Variants in ADGRL2 observed in about 807,000 individuals in gnomAD.
ADGRL2 encodes the protein adhesion G protein-coupled receptor L2.
ADGRL2 carries 44 observed loss-of-function variants against 157.4 expected under a neutral mutation model. That is an observed-to-expected ratio of 0.28 (90% confidence interval 0.22 to 0.36). The LOEUF (loss-of-function observed/expected upper bound fraction) is 0.36, where lower values mean the gene tolerates loss of function less well. Among genes scored for constraint, ADGRL2 ranks in the 10% least tolerant of loss-of-function variants. ADGRL2 has a pLI of 1.00. For missense variants in ADGRL2, 1,510 were observed against 1,768.9 expected, an observed-to-expected ratio of 0.85 and a Z score of 2.63; for synonymous variants, 585 against 624.7, an observed-to-expected ratio of 0.94 and a Z score of 0.95.
At chr1:81,462,422 TG>T (rs1450180817) in intron 2 of ADGRL2, among the ~76,000 whole-genome samples, 1 of 152,040 alleles carries the variant, frequency 6.6e-6, no homozygotes, top group Non-Finnish European at 1.5e-5. Context: ...CGTGAGGGTC[TG>T]TGGCTTCATT....
intron 1 of ADGRL2, among the ~76,000 whole-genome samples, chr1:81,307,764 GA>G (rs202069372): frequency 0.019 from 2,848 of 151,518 alleles, 95 homozygotes; most frequent in African/African-American, 0.065. Flanking sequence ...AAGTTCGAAG[GA>G]AAAAAAATTT....
chr1:81,625,777 C>T (rs1465936190), intron 3 of ADGRL2: 1 of 152,196 alleles, frequency 6.6e-6, no homozygotes, highest in African/African-American at 2.4e-5. Flanking sequence ...AAACCGCCAA[C>T]ATCAAATAGT....
At chr1:81,386,780 T>C (rs2076443746) in intron 1 of ADGRL2, among the ~76,000 whole-genome samples, 1 of 152,206 alleles carries the variant, frequency 6.6e-6, no homozygotes, top group Non-Finnish European at 1.5e-5. Context: ...TGCACCCTAT[T>C]AAATCTTACA....
intron 3 of ADGRL2, among the ~76,000 whole-genome samples, chr1:81,595,679 T>G (rs2081216525): frequency 6.6e-6 from 1 of 152,246 alleles, no homozygotes; most frequent in African/African-American, 2.4e-5. Flanking sequence ...TAAAACTTAC[T>G]TAGTTTGGCA....
chr1:81,363,898 C>T (rs2076020421), intron 1 of ADGRL2, among the ~76,000 whole-genome samples: 1 of 152,088 alleles, frequency 6.6e-6, no homozygotes, highest in South Asian at 2.1e-4. Flanking sequence ...TCTGTAGGCC[C>T]TTCTGTAAAT....
chr1:81,597,379 GA>G (rs2081256030), intron 3 of ADGRL2, among the ~76,000 whole-genome samples: 1 of 151,964 alleles, frequency 6.6e-6, no homozygotes, highest in Non-Finnish European at 1.5e-5. Flanking sequence ...AAGTGCATAT[GA>G]AAAAATAAAG....
chr1:81,891,257 A>T (rs894618861), intron 2 of ADGRL2, among the ~76,000 whole-genome samples: 1 of 151,866 alleles, frequency 6.6e-6, no homozygotes, highest in East Asian at 1.9e-4. Context: ...GATGTTTTGC[A>T]TCATATTCCA....
intron 1 of ADGRL2, among the ~76,000 whole-genome samples, chr1:81,367,512 T>C (rs924913415): frequency 6.6e-6 from 1 of 152,190 alleles, no homozygotes; most frequent in African/African-American, 2.4e-5. Context: ...AGGATAACCA[T>C]TCCCAGCTCC....
chr1:81,668,168 A>AT (rs2082790398), intron 3 of ADGRL2, among the ~76,000 whole-genome samples: 2 of 152,154 alleles, frequency 1.3e-5, no homozygotes, highest in Non-Finnish European at 2.9e-5. Flanking sequence ...CATGCCTGTA[A>AT]TCCCAGCACT....
chr1:81,953,087 A>G, intron 10 of ADGRL2, 62 bp downstream of exon 10: 1 of 1,316,506 alleles, frequency 7.6e-7, no homozygotes, highest in Admixed American at 1.7e-5. Flanking sequence ...ACGCTTTATC[A>G]TCTTGCTGCA....
chr1:81,819,427 T>A (rs1039593916), intron 1 of ADGRL2, among the ~76,000 whole-genome samples: 5 of 152,160 alleles, frequency 3.3e-5, no homozygotes, highest in African/African-American at 1.2e-4. Flanking sequence ...AAGTACCAGC[T>A]GCTGAGAAGG....
intron 2 of ADGRL2, among the ~76,000 whole-genome samples, chr1:81,542,638 C>T (rs183016988): frequency 6.6e-6 from 1 of 152,242 alleles, no homozygotes; most frequent in East Asian, 1.9e-4. Flanking sequence ...TATAACATTT[C>T]CACTGTGGGA....
rs537109630 is a variant in ADGRL2 at position 81,690,338 on chromosome 1, CA to C, written c.-142-71468del. Among the ~76,000 whole-genome samples the C allele has an allele frequency of 3.7e-3, 566 of 152,182 alleles. 1 individual carries two copies. The highest frequency in any genetic ancestry group is 5.1e-3 in the Non-Finnish European group (344 of 67,986). Reference sequence around the variant, plus strand: ...CGAAACCCCATCTCTACTAAAAATACAAAAATTAGCCAGGCATGGTGGTGCA... The same window carrying C: ...CGAAACCCCATCTCTACTAAAAATACAAAATTAGCCAGGCATGGTGGTGCA... On this transcript the variant is annotated intron_variant, in intron 3 of 24. Coordinates refer to the ADGRL2 transcript ENST00000370721.
intron 1 of ADGRL2, among the ~76,000 whole-genome samples, chr1:81,408,243 T>A (rs1186322587): frequency 6.6e-6 from 1 of 152,248 alleles, no homozygotes; most frequent in Non-Finnish European, 1.5e-5. Context: ...ATATTTGTTG[T>A]AATTTTTCAT....
chr1:81,824,283 T>A (rs1276927641), intron 1 of ADGRL2, among the ~76,000 whole-genome samples: 1 of 152,170 alleles, frequency 6.6e-6, no homozygotes, highest in Non-Finnish European at 1.5e-5. Context: ...TATTTATTCA[T>A]TTATTTATAG....
chr1:81,599,069 C>T (rs1370516823), intron 3 of ADGRL2, among the ~76,000 whole-genome samples: 2 of 152,114 alleles, frequency 1.3e-5, no homozygotes, highest in Non-Finnish European at 2.9e-5. Flanking sequence ...TTAGCAAAGG[C>T]CACTGAAGCC....
intron 3 of ADGRL2, among the ~76,000 whole-genome samples, chr1:81,926,989 G>T (rs1327523206): frequency 2.0e-5 from 3 of 151,916 alleles, no homozygotes; most frequent in African/African-American, 7.2e-5. Context: ...ATTTCAAAAT[G>T]CTTATTTTAG....
At chr1:81,500,901 C>T (rs1166870055) in intron 2 of ADGRL2, among the ~76,000 whole-genome samples, 1 of 152,120 alleles carries the variant, frequency 6.6e-6, no homozygotes, top group Non-Finnish European at 1.5e-5. Flanking sequence ...TCCAAAGAAA[C>T]TCTTTGATAT....
At chr1:81,391,008 G>C (rs2076539965) in intron 1 of ADGRL2, among the ~76,000 whole-genome samples, 1 of 152,310 alleles carries the variant, frequency 6.6e-6, no homozygotes, top group African/African-American at 2.4e-5. Context: ...GGAAACTTTT[G>C]ACACTTAAAG....
Sources: gnomAD v4.1 joint callset for allele counts (sites outside exome capture counted in the v4.1 genomes callset) on GRCh38, gnomAD v4.1.1 for gene constraint, MANE v1.5 for transcripts, NCBI Gene and HGNC (gene_info 2026-07-23, HGNC 2026-07-21) for gene names.